Variants in LAMA4 observed in about 807,000 individuals in gnomAD.
The protein encoded by LAMA4 is laminin subunit alpha-4.
Under a neutral mutation model 207.1 loss-of-function variants are expected in LAMA4, and 127 were observed. The ratio of observed to expected loss-of-function variants is 0.61; its 90% CI spans 0.53 to 0.71. The LOEUF is 0.71. LAMA4 is among the 30% of genes least tolerant of loss of function. The pLI, the probability that LAMA4 is intolerant of heterozygous loss-of-function variation, is 0.00. For synonymous variants in LAMA4, 761 were observed against 816.0 expected, an observed-to-expected ratio of 0.93 and a Z score of 1.15; for missense variants, 2,093 against 2,246.5, an observed-to-expected ratio of 0.93 and a Z score of 1.38.
intron 35 of LAMA4, among the ~76,000 whole-genome samples, chr6:112,116,332 A>T (rs587741218): frequency 1.3e-5 from 2 of 152,282 alleles, no homozygotes; most frequent in South Asian, 2.1e-4. Context: ...GGGCAGAGGA[A>T]GTAGACTCAA....
At chr6:112,227,901 C>G (rs2345810) in intron 2 of LAMA4, among the ~76,000 whole-genome samples, 123,937 of 152,212 alleles carry the variant, frequency 0.81, 50,750 homozygotes, top group Admixed American at 0.88. Flanking sequence ...AGGACTTTTA[C>G]GGTGCTTATT....
chr6:112,130,189 C>T, intron 29 of LAMA4, 149 bp from the exon 30 acceptor site: 1 of 676,886 alleles, frequency 1.5e-6, no homozygotes, highest in Non-Finnish European at 2.6e-6. Flanking sequence ...TTCATGAGGC[C>T]CAGGATAAAA....
intron 3 of LAMA4, among the ~76,000 whole-genome samples, chr6:112,211,546 G>C (rs1193949108): frequency 2.6e-5 from 4 of 152,186 alleles, no homozygotes; most frequent in Admixed American, 2.6e-4. Context: ...GTGAAGAAAA[G>C]AGACAGGTCA....
chr6:112,130,132 T>C, intron 29 of LAMA4, 92 bp from the exon 30 acceptor site: 1 of 1,046,456 alleles, frequency 9.6e-7, no homozygotes, highest in South Asian at 1.3e-5. Flanking sequence ...CTCATGAAAT[T>C]GAAATGGAAC....
rs2072021 is a variant in LAMA4 at position 112,191,703 on chromosome 6, G to A, written c.651C>T (p.Thr217=). The change falls in exon 6 of 39, where the codon ACC becomes ACT. Residue 217 remains threonine (T), a synonymous_variant. Coordinates refer to ENST00000230538, the MANE Select transcript of LAMA4 (RefSeq NM_001105206.3). The stretch of plus-strand genomic sequence containing the variant: ...GAGCGCAACGTTCACACTTGAATCC[G>A]GTGGTGTTGCGTAAGCAATTCCTAC... ...GQCRNCLRNT[T]GFKCERCAPG... 260,641 of 1,613,544 alleles carry A rather than the reference G, an allele frequency of 0.16. 29,420 individuals carry two copies. The highest frequency in any genetic ancestry group is 0.55 in the African/African-American group (41,117 of 74,910).
In LAMA4 at chr6:112,133,444, A is replaced by C; in HGVS notation, c.3601T>G (p.Cys1201Gly). ...HLPLDINFRGCMKGFQFQKKD... is the reference protein window; with the variant it reads ...HLPLDINFRGGMKGFQFQKKD... ...TTTTGGAACTGGAAGCCCTTCATGC[A>C]TCCTCTGAAGTTGATATCTAGGGGA... Residue 1201 changes from cysteine (C) to glycine (G), a missense_variant, in exon 27 of 39, where the codon TGC becomes GGC. By Grantham distance (159) the Cys-to-Gly change is radical. This residue lies in a region of LAMA4 where 1,704 missense variants were observed against 1,788.4 expected (regional missense o/e 0.95). Transcript: ENST00000230538. 2 of 1,613,806 alleles carry C rather than the reference A, an allele frequency of 1.2e-6. No individual in the cohort carries two copies. The highest frequency in any genetic ancestry group is 1.7e-6 in the Non-Finnish European group (2 of 1,179,752).
chr6:112,244,497 T>C (rs1584003564), intron 2 of LAMA4, among the ~76,000 whole-genome samples: 1 of 152,212 alleles, frequency 6.6e-6, no homozygotes, highest in African/African-American at 2.4e-5. Flanking sequence ...GGACTGCTTG[T>C]CTATAGAGTA....
At chr6:112,247,819 C>G (rs1463042436) in intron 2 of LAMA4, among the ~76,000 whole-genome samples, 1 of 152,080 alleles carries the variant, frequency 6.6e-6, no homozygotes, top group African/African-American at 2.4e-5. Context: ...TCACAGTAGC[C>G]AAAAGGTAGA....
At chr6:112,239,867 C>G (rs1252479309) in intron 2 of LAMA4, among the ~76,000 whole-genome samples, 1 of 151,930 alleles carries the variant, frequency 6.6e-6, no homozygotes, top group Non-Finnish European at 1.5e-5. Flanking sequence ...ATTGAGAACA[C>G]CCTGGCTAAC....
intron 12 of LAMA4, among the ~76,000 whole-genome samples, chr6:112,167,415 C>T (rs1554340358): frequency 6.6e-6 from 1 of 152,120 alleles, no homozygotes; most frequent in Non-Finnish European, 1.5e-5. Flanking sequence ...ACAACAACAA[C>T]AAACCCACTT....
chr6:112,219,948 G>A (rs941507110), intron 2 of LAMA4, among the ~76,000 whole-genome samples: 16 of 151,988 alleles, frequency 1.1e-4, no homozygotes, highest in African/African-American at 3.9e-4. Context: ...ACCATCTTGC[G>A]TGCCATTAAT....
rs1034223356 is a variant in LAMA4, at chr6:112,151,416, T to C, written c.2057-789A>G. On this transcript the variant is annotated intron_variant, in intron 16 of 38. Transcript: ENST00000230538. ...CATTTCCATATAAATTCTAGAATAT[T>C]CAGTTCAGGTACTTTAATTAATACT... 1.1e-4 allele frequency among the ~76,000 whole-genome samples: 16 copies of C among 152,318 alleles called. 1 individual carries two copies. Among genetic ancestry groups the C allele is most frequent in the African/African-American group, 3.6e-4 (15 of 41,586 alleles).
intron 2 of LAMA4, among the ~76,000 whole-genome samples, chr6:112,220,702 C>G (rs1784877175): frequency 6.6e-6 from 1 of 152,112 alleles, no homozygotes; most frequent in African/African-American, 2.4e-5. Context: ...CCCTTGAGAG[C>G]ACTAGAGTCA....
intron 2 of LAMA4, among the ~76,000 whole-genome samples, chr6:112,233,098 T>C (rs1003299216): frequency 9.2e-5 from 14 of 152,170 alleles, no homozygotes; most frequent in Non-Finnish European, 1.5e-4. Flanking sequence ...GCATTCTCAC[T>C]CGCAGCACGG....
chr6:112,222,935 T>G (rs1022891348), intron 2 of LAMA4, among the ~76,000 whole-genome samples: 3 of 152,252 alleles, frequency 2.0e-5, no homozygotes, highest in African/African-American at 7.2e-5. Context: ...TTTCTTTAAT[T>G]TGCTTCTTGA....
intron 28 of LAMA4, among the ~76,000 whole-genome samples, chr6:112,132,538 C>T (rs1369349781): frequency 6.6e-6 from 1 of 152,102 alleles, no homozygotes; most frequent in Non-Finnish European, 1.5e-5. Context: ...TCCATGAACC[C>T]TTGGGGGTGG....
rs1554324394 is a variant in LAMA4, at chr6:112,117,662, T to G, written c.4981+77A>C. The G allele has an allele frequency of 1.4e-6, 2 of 1,434,050 alleles. No homozygotes were observed. The highest frequency in any genetic ancestry group is 2.3e-5 in the East Asian group (1 of 43,420). 88.8% of individuals were successfully genotyped at this position (1,434,050 alleles called of 1,614,324 possible). A position where few individuals can be genotyped will look rare whatever the true frequency, so the allele number is the denominator to read the frequency against. ...GTTTGGCATTCTTAAGTTTTAACTC[T>G]GGGCCTGATATTCCCTGTTAGCCAT... On this transcript the variant is annotated intron_variant, in intron 35 of 38. Coordinates refer to ENST00000230538, the MANE Select transcript of LAMA4 (RefSeq NM_001105206.3). The surrounding 1 kb of genome is among the most constrained non-coding windows in gnomAD (Gnocchi z 4.5).
intron 37 of LAMA4, 94 bp from the exon 38 acceptor site, chr6:112,114,289 T>C: frequency 7.8e-7 from 1 of 1,276,258 alleles, no homozygotes; most frequent in Non-Finnish European, 1.1e-6. Context: ...TGCTTTTATT[T>C]ATTCCAGAAT....
chr6:112,134,331 G>T, intron 26 of LAMA4, 136 bp downstream of exon 26: 5 of 790,628 alleles, frequency 6.3e-6, no homozygotes, highest in South Asian at 1.5e-5. Flanking sequence ...GAAGGTACAT[G>T]AATGTGTGTA....
Sources: gnomAD v4.1 joint callset for allele counts (sites outside exome capture counted in the v4.1 genomes callset) on GRCh38, gnomAD v4.1.1 for gene constraint, gnomAD v4.1.1 regional missense constraint, Gnocchi (gnomAD v3.1) non-coding constraint, MANE v1.5 for transcripts, NCBI Gene and HGNC (gene_info 2026-07-23, HGNC 2026-07-21) for gene names.